Variants in PCDHGB3 observed in about 807,000 individuals in gnomAD.
The protein encoded by PCDHGB3 is protocadherin gamma-B3.
A neutral mutation model predicts 59.2 loss-of-function variants in PCDHGB3; 40 were observed. The observed-to-expected ratio is 0.68, with a 90% confidence interval of 0.52 to 0.88. PCDHGB3 has a LOEUF of 0.88. Among genes scored for constraint, PCDHGB3 ranks in the 40% least tolerant of loss-of-function variants. The pLI is 0.00. For missense variants in PCDHGB3, 1,309 were observed against 1,187.9 expected (o/e 1.10, Z -1.50); for synonymous variants, 581 against 503.6 (o/e 1.15, Z -2.06).
chr5:141,398,148 G>T lies in PCDHGB3; in HGVS notation c.2415+25339G>T, dbSNP rs768560617. The T allele has an allele frequency of 9.4e-6, 14 of 1,497,140 alleles. 1 individual carries two copies. Among genetic ancestry groups the T allele is most frequent in the East Asian group, 9.3e-5 (4 of 42,788 alleles). 92.7% of individuals were successfully genotyped at this position (1,497,140 alleles called of 1,614,324 possible). On this transcript the variant is annotated intron_variant, in intron 1 of 3. Coordinates refer to ENST00000576222, the MANE Select transcript of PCDHGB3 (RefSeq NM_018924.5). ...GAGGGATGGGGAGCGGCGCCGGGGA[G>T]CTGGGCCGGGCTGAGAGGCTGCCAG...
At chr5:141,465,979 G>C (rs779605313) in intron 1 of PCDHGB3, among the ~76,000 whole-genome samples, 26 of 151,846 alleles carry the variant, frequency 1.7e-4, no homozygotes, top group Non-Finnish European at 3.8e-4. Flanking sequence ...AAAATTAGCC[G>C]GGCATGGTGG....
chr5:141,468,677 T>A (rs545029270), intron 1 of PCDHGB3: 1 of 150,902 alleles, frequency 6.6e-6, no homozygotes, highest in African/African-American at 2.4e-5. Flanking sequence ...CCATCCTGGC[T>A]AACACGGTGA....
chr5:141,509,144 G>A (rs969990007), intron 3 of PCDHGB3, among the ~76,000 whole-genome samples: 1 of 152,114 alleles, frequency 6.6e-6, no homozygotes, highest in African/African-American at 2.4e-5. Context: ...GGCGCATCCC[G>A]GCTCTCCCCT....
At position 141,372,152 on chromosome 5, in the gene PCDHGB3, C is replaced by G; in HGVS notation, c.1758C>G (p.Tyr586Ter). Residue 586 changes from tyrosine to a stop codon, truncating the protein, a stop_gained, in exon 1 of 4, where the codon TAC (tyrosine) becomes TAG (stop). Transcript: ENST00000576222. LOFTEE classifies it high-confidence loss of function. ...DMVPRSAEPG[Y>*]LVTKVVAVDA... Reference sequence around the variant, plus strand: ...TGCCGCGCTCTGCAGAGCCTGGCTACCTGGTGACCAAGGTGGTGGCGGTGG... The same window carrying G: ...TGCCGCGCTCTGCAGAGCCTGGCTAGCTGGTGACCAAGGTGGTGGCGGTGG... 1 of 1,613,792 alleles carries G rather than the reference C, an allele frequency of 6.2e-7. No individual in the cohort carries two copies. The highest frequency in any genetic ancestry group is 2.2e-5 in the East Asian group (1 of 44,868).
intron 1 of PCDHGB3, chr5:141,389,052 T>C (rs769661783): frequency 9.5e-5 from 153 of 1,613,794 alleles, no homozygotes; most frequent in Non-Finnish European, 8.5e-5. Flanking sequence ...TGATGTTCCA[T>C]TTAAAATATT....
chr5:141,502,062 A>G (rs530211521), intron 2 of PCDHGB3, among the ~76,000 whole-genome samples: 2 of 152,146 alleles, frequency 1.3e-5, no homozygotes, highest in South Asian at 4.2e-4. Flanking sequence ...TATTCCCATT[A>G]GCCCCCTTCA....
In PCDHGB3 at chr5:141,485,589, A is replaced by G. The variant is rs1407992185; in HGVS notation, c.2416-9218A>G. 6.2e-7 allele frequency: 1 copy of G among 1,612,610 alleles called. No homozygotes were observed. Among genetic ancestry groups the G allele is most frequent in the Non-Finnish European group, 8.5e-7 (1 of 1,178,834 alleles). On this transcript the variant is annotated intron_variant, in intron 1 of 3. Coordinates refer to ENST00000576222, the MANE Select transcript of PCDHGB3 (RefSeq NM_018924.5). The surrounding 1 kb of genome is among the most constrained non-coding windows in gnomAD (Gnocchi z 5.7). Reference sequence around the variant, plus strand: ...CCCCGTTTTCCGCGGCAGCAGCTGGACTTGGAAATTGGGGAGGCAGCTCCT... The same window carrying G: ...CCCCGTTTTCCGCGGCAGCAGCTGGGCTTGGAAATTGGGGAGGCAGCTCCT...
chr5:141,440,793 C>T (rs1448130354), intron 1 of PCDHGB3: 1 of 152,124 alleles, frequency 6.6e-6, no homozygotes, highest in Non-Finnish European at 1.5e-5. Context: ...TAGACGGCCC[C>T]CCAACAAAGC....
chr5:141,404,739 G>A, intron 1 of PCDHGB3: 1 of 1,614,092 alleles, frequency 6.2e-7, no homozygotes, highest in Non-Finnish European at 8.5e-7. Flanking sequence ...GCAGTGGACA[G>A]AGACTCAGGC....
At chr5:141,389,404 C>T in intron 1 of PCDHGB3, 3 of 1,613,616 alleles carry the variant, frequency 1.9e-6, no homozygotes, top group Non-Finnish European at 2.5e-6. Context: ...TCCATAAGCG[C>T]GGAGAGCGGG....
At chr5:141,390,327 T>G (rs377735930) in intron 1 of PCDHGB3, 172 of 1,603,116 alleles carry the variant, frequency 1.1e-4, no homozygotes, top group Non-Finnish European at 2.0e-5. Flanking sequence ...CCTACCCATT[T>G]CTCCATATTC....
chr5:141,453,333 A>T (rs181261279), intron 1 of PCDHGB3, among the ~76,000 whole-genome samples: 3 of 151,914 alleles, frequency 2.0e-5, no homozygotes, highest in Admixed American at 1.3e-4. Context: ...GGGTCTCACT[A>T]TGTTTCCCCA....
At position 141,432,032 on chromosome 5, in the gene PCDHGB3, A is replaced by G; in HGVS notation, c.2415+59223A>G. On this transcript the variant is annotated intron_variant, in intron 1 of 3. Coordinates refer to ENST00000576222, the MANE Select transcript of PCDHGB3 (RefSeq NM_018924.5). The surrounding 1 kb of genome is among the most constrained non-coding windows in gnomAD (Gnocchi z 6.0). ...TAGCTACAACATCACAGTGACCGCC[A>G]CTGACCGGGGAACCCCGCCCCTATC... 2 of 1,614,242 alleles carry G rather than the reference A, an allele frequency of 1.2e-6. No homozygotes were observed. Among genetic ancestry groups the G allele is most frequent in the South Asian group, 1.1e-5 (1 of 91,086 alleles).
In PCDHGB3 at chr5:141,419,962, GCT is replaced by G. The variant is rs1374844110; in HGVS notation, c.2415+47156_2415+47157del. ...TGGTGGCCTTGGCCTTGATTTCTGTGCTCTTTCTCCTCGCGGTGATTCTAGCT... is the reference window on the plus strand; with the variant it reads ...TGGTGGCCTTGGCCTTGATTTCTGTGCTTTCTCCTCGCGGTGATTCTAGCT... On this transcript the variant is annotated intron_variant, in intron 1 of 3. Coordinates refer to ENST00000576222, the MANE Select transcript of PCDHGB3 (RefSeq NM_018924.5). The G allele has an allele frequency of 3.1e-6, 5 of 1,613,974 alleles. No homozygotes were observed. In the African/African-American group the frequency reaches 4.0e-5, roughly 13 times the overall value.
In PCDHGB3 at chr5:141,510,932, CCT is replaced by C. The variant is rs753455267; in HGVS notation, c.2564-12_2564-11del. 6 of 1,613,998 alleles carry C rather than the reference CCT, an allele frequency of 3.7e-6. No homozygotes were observed. The highest frequency in any genetic ancestry group is 1.1e-5 in the South Asian group (1 of 91,082). ...CTAAGTTTAGCTCCCACCTGATCTTCCTCTGTCTCTGCAGAAGCTGCTGATGG... is the reference window on the plus strand; with the variant it reads ...CTAAGTTTAGCTCCCACCTGATCTTCCTGTCTCTGCAGAAGCTGCTGATGG... On this transcript the variant is annotated splice_polypyrimidine_tract_variant and intron_variant, in intron 3 of 3. Coordinates refer to ENST00000576222, the MANE Select transcript of PCDHGB3 (RefSeq NM_018924.5).
chr5:141,469,918 G>T (rs2099215604), intron 1 of PCDHGB3, among the ~76,000 whole-genome samples: 2 of 152,148 alleles, frequency 1.3e-5, no homozygotes, highest in African/African-American at 4.8e-5. Context: ...ACCACCCGAG[G>T]TCAGGAGTTT....
chr5:141,422,661 C>T (rs1289162498), intron 1 of PCDHGB3: 7 of 1,608,938 alleles, frequency 4.4e-6, no homozygotes, highest in Admixed American at 1.7e-5. Flanking sequence ...TGACCGCCCT[C>T]GACCCGGACA....
intron 2 of PCDHGB3, among the ~76,000 whole-genome samples, chr5:141,503,800 C>T (rs756250566): frequency 1.3e-5 from 2 of 151,994 alleles, no homozygotes; most frequent in South Asian, 2.1e-4. Flanking sequence ...TACTTAGGGA[C>T]GGGGAATCCC....
Position 141,372,454 on chromosome 5 carries a change from A to C in PCDHGB3, c.2060A>C (p.Glu687Ala). Reference protein sequence around the residue: ...DRPTPSDPQAELQFHLVVALA... With the variant: ...DRPTPSDPQAALQFHLVVALA... ...CCCACTCCCTCTGACCCTCAGGCGG[A>C]GCTACAGTTTCACCTAGTAGTGGCG... is the stretch of plus-strand genomic sequence containing the variant. The change falls in exon 1 of 4, where the codon GAG becomes GCG. Residue 687 changes from glutamate (E) to alanine (A), a missense_variant. Transcript: ENST00000576222. 6.2e-7 allele frequency: 1 copy of C among 1,613,990 alleles called. No individual in the cohort carries two copies.
Sources: gnomAD v4.1 joint callset for allele counts (sites outside exome capture counted in the v4.1 genomes callset) on GRCh38, gnomAD v4.1.1 for gene constraint, Gnocchi (gnomAD v3.1) non-coding constraint, MANE v1.5 for transcripts, NCBI Gene and HGNC (gene_info 2026-07-23, HGNC 2026-07-21) for gene names.